FCHSD2: variants seen among roughly 807,000 people sequenced by gnomAD.
The protein encoded by FCHSD2 is F-BAR and double SH3 domains protein 2.
In FCHSD2, 38 loss-of-function variants were observed where a neutral mutation model predicts 108.1. The ratio of observed to expected loss-of-function variants is 0.35; its 90% confidence interval spans 0.27 to 0.46. The LOEUF (loss-of-function observed/expected upper bound fraction) is 0.46, where lower values mean the gene tolerates loss of function less well. Among genes scored for constraint, FCHSD2 ranks in the 20% least tolerant of loss-of-function variants. The probability of loss-of-function intolerance (pLI) is 1.00; values close to 1 mark genes in which losing one functional copy is unlikely to be tolerated. For missense variants in FCHSD2, 751 were observed against 897.8 expected (o/e 0.84, Z 2.09); for synonymous variants, 279 against 314.7 (o/e 0.89, Z 1.20).
At chr11:73,100,863 A>AT (rs560641392) in intron 2 of FCHSD2, among the ~76,000 whole-genome samples, 24,320 of 143,938 alleles carry the variant, frequency 0.17, 2,281 homozygotes, top group South Asian at 0.23. Context: ...TCTACGTGGG[A>AT]TTTTTTTTTT....
At chr11:73,018,647 C>T (rs1044430583) in intron 3 of FCHSD2, among the ~76,000 whole-genome samples, 1 of 151,910 alleles carries the variant, frequency 6.6e-6, no homozygotes, top group Non-Finnish European at 1.5e-5. Context: ...ATGTATAGTG[C>T]CCATCTCCAT....
Position 72,921,891 on chromosome 11 carries a change from A to C in FCHSD2, c.765T>G (p.Thr255=). ...LKDYLIAFSR[T]ELETCQAVQN... Reference sequence around the variant, plus strand: ...GCACAGCTTGGCATGTTTCTAGCTCAGTCCGGCTGAAGGCTATTAAATAAT... The same window carrying C: ...GCACAGCTTGGCATGTTTCTAGCTCCGTCCGGCTGAAGGCTATTAAATAAT... Residue 255 remains threonine (T), a synonymous_variant, in exon 9 of 20, where the codon ACT becomes ACG. Coordinates refer to ENST00000409418, the MANE Select transcript of FCHSD2 (RefSeq NM_014824.3). 4 of 1,606,390 alleles carry C rather than the reference A, an allele frequency of 2.5e-6. No individual in the cohort carries two copies. The highest frequency in any genetic ancestry group is 3.4e-6 in the Non-Finnish European group (4 of 1,175,300).
intron 18 of FCHSD2, 41 bp from the exon 19 acceptor site, chr11:72,841,000 T>TTGAGCAATAATGCTGATGCATGCC: frequency 6.8e-7 from 1 of 1,480,638 alleles, no homozygotes. Flanking sequence ...ACTTGAGTTG[T>TTGAGCAATAATGCTGATGCATGCC]TGAGCAATAA....
At chr11:73,031,616 A>G (rs1380957379) in intron 3 of FCHSD2, among the ~76,000 whole-genome samples, 1 of 152,172 alleles carries the variant, frequency 6.6e-6, no homozygotes. Context: ...CTTAAACTGA[A>G]TGTAGTAAGT....
intron 3 of FCHSD2, among the ~76,000 whole-genome samples, chr11:73,053,899 G>A (rs1858960833): frequency 6.6e-6 from 1 of 152,030 alleles, no homozygotes; most frequent in African/African-American, 2.4e-5. Context: ...AATGTAACTT[G>A]TTGTCTGTAA....
chr11:72,875,979 T>C (rs1854960784), intron 12 of FCHSD2, among the ~76,000 whole-genome samples: 1 of 152,196 alleles, frequency 6.6e-6, no homozygotes, highest in African/African-American at 2.4e-5. Context: ...GCCAGTCCTC[T>C]AGCTGAAAGT....
chr11:73,097,625 T>C (rs1860120619), intron 2 of FCHSD2, among the ~76,000 whole-genome samples: 1 of 150,946 alleles, frequency 6.6e-6, no homozygotes, highest in Non-Finnish European at 1.5e-5. Context: ...CTTTTTTTTT[T>C]TTTTTTTTCT....
chr11:73,139,905 AG>A, intron 2 of FCHSD2, 125 bp downstream of exon 2: 1 of 539,500 alleles, frequency 1.9e-6, no homozygotes, highest in Non-Finnish European at 3.2e-6. Flanking sequence ...GCTGAGTCAA[AG>A]TTCTAACAGC....
intron 2 of FCHSD2, among the ~76,000 whole-genome samples, chr11:73,098,997 T>A (rs1172166170): frequency 6.6e-6 from 1 of 152,198 alleles, no homozygotes; most frequent in Non-Finnish European, 1.5e-5. Context: ...GAGGATCACC[T>A]GAGCTCAGGA....
chr11:73,055,527 A>G, intron 3 of FCHSD2, among the ~76,000 whole-genome samples: 1 of 152,202 alleles, frequency 6.6e-6, no homozygotes, highest in East Asian at 1.9e-4. Flanking sequence ...ATACAAGCTA[A>G]TGATAGCAGA....
chr11:73,121,443 T>C (rs1860732499), intron 2 of FCHSD2, among the ~76,000 whole-genome samples: 1 of 152,126 alleles, frequency 6.6e-6, no homozygotes, highest in Non-Finnish European at 1.5e-5. Context: ...TATATAACTT[T>C]AAAAGAATAA....
At chr11:72,846,053 T>TA (rs1861126867) in intron 14 of FCHSD2, among the ~76,000 whole-genome samples, 1 of 1,532 alleles carries the variant, frequency 6.5e-4, no homozygotes, top group South Asian at 0.05. Context: ...TACAAATAAA[T>TA]AGATAGATAG....
chr11:72,953,938 G>C (rs1856662868), intron 8 of FCHSD2, among the ~76,000 whole-genome samples: 1 of 152,090 alleles, frequency 6.6e-6, no homozygotes, highest in African/African-American at 2.4e-5. Context: ...AGTGAGGGAA[G>C]GGATAGTAGA....
At chr11:73,084,287 C>A (rs1196175616) in intron 2 of FCHSD2, among the ~76,000 whole-genome samples, 1 of 152,122 alleles carries the variant, frequency 6.6e-6, no homozygotes, top group Non-Finnish European at 1.5e-5. Flanking sequence ...TTTTTATAAG[C>A]ATTACAAAAC....
chr11:73,001,908 C>G (rs1349112502), intron 4 of FCHSD2, among the ~76,000 whole-genome samples: 2 of 152,202 alleles, frequency 1.3e-5, no homozygotes, highest in Admixed American at 1.3e-4. Flanking sequence ...ACTTCCTCTT[C>G]AACCTTCTTT....
chr11:73,082,071 C>T lies in FCHSD2; in HGVS notation c.165+1624G>A, dbSNP rs550089321. On this transcript the variant is annotated intron_variant, in intron 3 of 19. Coordinates refer to ENST00000409418, the MANE Select transcript of FCHSD2 (RefSeq NM_014824.3). ...TACAAAAATCGGCTGGGCGCGGTGGCTCATGCCTGTAATCCCAGCACTTTG... is the reference window on the plus strand; with the variant it reads ...TACAAAAATCGGCTGGGCGCGGTGGTTCATGCCTGTAATCCCAGCACTTTG... 1.2e-4 allele frequency among the ~76,000 whole-genome samples: 19 copies of T among 152,166 alleles called. No homozygotes were observed. The South Asian group carries it at 3.9e-3, about 32-fold the overall frequency.
At chr11:73,124,121 G>A (rs996441709) in intron 2 of FCHSD2, among the ~76,000 whole-genome samples, 3 of 152,176 alleles carry the variant, frequency 2.0e-5, no homozygotes, top group Admixed American at 1.3e-4. Flanking sequence ...GGACATGGAT[G>A]AAGCTGGAAA....
At chr11:73,123,567 A>G (rs1401030354) in intron 2 of FCHSD2, among the ~76,000 whole-genome samples, 1 of 152,222 alleles carries the variant, frequency 6.6e-6, no homozygotes, top group Admixed American at 6.5e-5. Flanking sequence ...CTTGGCATCT[A>G]TATTTGAATA....
Position 72,900,463 on chromosome 11 carries a change from G to A in FCHSD2, c.924+2080C>T, listed in dbSNP as rs1855504738. 4 of 614,562 alleles carry A rather than the reference G, an allele frequency of 6.5e-6. No individual in the cohort carries two copies. The Admixed American group carries it at 1.1e-4, about 17-fold the overall frequency. The allele number at this position is 614,562 out of a possible 1,614,324, so 38.1% of individuals were successfully genotyped here. On this transcript the variant is annotated intron_variant, in intron 10 of 19. Transcript: ENST00000409418. ...AGATTTAGGGCTGCAGTTGGGCTGG[G>A]AAAAAGTGAGATGAGAGTCACTGTT...
Sources: allele counts gnomAD v4.1 joint callset (sites outside exome capture counted in the v4.1 genomes callset), GRCh38; gene constraint gnomAD v4.1.1; transcripts MANE v1.5; gene names NCBI Gene and HGNC (gene_info 2026-07-23, HGNC 2026-07-21).